Variants in ASCC3 observed in about 807,000 individuals in gnomAD.
ASCC3 encodes the protein ASC-1 complex subunit P200.
Under a neutral mutation model 256.3 loss-of-function variants are expected in ASCC3, and 158 were observed. The ratio of observed to expected loss-of-function variants is 0.62; its 90% CI spans 0.54 to 0.70. ASCC3 has a LOEUF of 0.70. ASCC3 is among the 30% of genes least tolerant of loss of function. The pLI, the probability that ASCC3 is intolerant of heterozygous loss-of-function variation, is 0.00. For missense variants in ASCC3, 2,259 were observed against 2,626.0 expected, an observed-to-expected ratio of 0.86 and a Z score of 3.05; for synonymous variants, 948 against 883.4, an observed-to-expected ratio of 1.07 and a Z score of -1.30.
At position 100,546,270 on chromosome 6, in the gene ASCC3, G is replaced by C. The variant is rs911690139; in HGVS notation, c.5551-5883C>G. On this transcript the variant is annotated intron_variant, in intron 36 of 41. Coordinates refer to ENST00000369162, the MANE Select transcript of ASCC3 (RefSeq NM_006828.4). ...ATAAAGAGGATCCAACTAAATGAAG[G>C]GTTATACCTTAATTCTCCCAAATTG... 4.1e-5 allele frequency among the ~76,000 whole-genome samples: 6 copies of C among 146,176 alleles called. 1 individual carries two copies.
At chr6:100,535,681 C>A (rs947707762) in intron 37 of ASCC3, among the ~76,000 whole-genome samples, 3 of 152,080 alleles carry the variant, frequency 2.0e-5, no homozygotes, top group Admixed American at 1.3e-4. Flanking sequence ...CTTGGCCAGG[C>A]TGGTCTTGAA....
intron 1 of ASCC3, among the ~76,000 whole-genome samples, chr6:100,868,599 TTTC>T (rs759500691): frequency 5.3e-5 from 8 of 152,234 alleles, no homozygotes; most frequent in Non-Finnish European, 7.3e-5. Context: ...TATTTGACAC[TTTC>T]TTGTTTATTT....
chr6:100,747,438 A>G (rs1261226764), intron 10 of ASCC3, among the ~76,000 whole-genome samples: 1 of 152,096 alleles, frequency 6.6e-6, no homozygotes, highest in Non-Finnish European at 1.5e-5. Context: ...TTGTACATGA[A>G]TGTTCACAGC....
chr6:100,661,354 CACACAAA>C lies in ASCC3; in HGVS notation c.2703+445_2703+451del, dbSNP rs570592533. On this transcript the variant is annotated intron_variant, in intron 16 of 41. Transcript: ENST00000369162. ...ACACACACACACACACACACACACACACACAAAACAAATGATCATAATCTAGCTCAAT... is the reference window on the plus strand; with the variant it reads ...ACACACACACACACACACACACACACACAAATGATCATAATCTAGCTCAAT... Among the ~76,000 whole-genome samples, 18 of 151,064 alleles carry C rather than the reference CACACAAA, an allele frequency of 1.2e-4. 1 individual carries two copies. In the South Asian group the frequency reaches 3.7e-3, roughly 31 times the overall value.
chr6:100,529,056 CAGT>C (rs1315069539), intron 37 of ASCC3, among the ~76,000 whole-genome samples: 1 of 152,080 alleles, frequency 6.6e-6, no homozygotes, highest in Non-Finnish European at 1.5e-5. Context: ...GTGGCACCAT[CAGT>C]GGTGGTGGTG....
At chr6:100,516,618 T>C (rs2114611315) in intron 38 of ASCC3, among the ~76,000 whole-genome samples, 1 of 152,300 alleles carries the variant, frequency 6.6e-6, no homozygotes, top group South Asian at 2.1e-4. Flanking sequence ...GAAGTAATGC[T>C]TCCATGTAGA....
At chr6:100,649,331 A>T (rs1775546160) in intron 20 of ASCC3, among the ~76,000 whole-genome samples, 1 of 151,792 alleles carries the variant, frequency 6.6e-6, no homozygotes, top group South Asian at 2.1e-4. Context: ...TATTTAAATG[A>T]TTAACTATTT....
rs886628727 is a variant in ASCC3, at chr6:100,805,468, C to T, written c.922+292G>A. Among the ~76,000 whole-genome samples the T allele has an allele frequency of 4.6e-5, 7 of 152,158 alleles. No homozygotes were observed. The East Asian group carries it at 1.4e-3, about 29-fold the overall frequency. Reference sequence around the variant, plus strand: ...CCAAACCTTGGCATCAAACAATATACTCATGCAACAAACCTGCACGTGTAC... The same window carrying T: ...CCAAACCTTGGCATCAAACAATATATTCATGCAACAAACCTGCACGTGTAC... On this transcript the variant is annotated intron_variant, in intron 5 of 41. Coordinates refer to ENST00000369162, the MANE Select transcript of ASCC3 (RefSeq NM_006828.4).
At position 100,638,732 on chromosome 6, in the gene ASCC3, G is replaced by T. The variant is rs778229396; in HGVS notation, c.3991C>A (p.Gln1331Lys). ...LYNFSHFNPVQTQIFHTLYHT... is the reference protein window; with the variant it reads ...LYNFSHFNPVKTQIFHTLYHT... ...TACAATGTATGAAATATTTGTGTCT[G>T]TACAGGGTTAAAGTGGCTGAAGTTG... The change falls in exon 25 of 42, where the codon CAG becomes AAG. Residue 1331 changes from glutamine to lysine, a missense_variant. Physicochemically the swap from Gln to Lys is moderately conservative, Grantham distance 53. Coordinates refer to ENST00000369162, the MANE Select transcript of ASCC3 (RefSeq NM_006828.4). 1 of 1,614,068 alleles carries T rather than the reference G, an allele frequency of 6.2e-7. No individual in the cohort carries two copies. Among genetic ancestry groups the T allele is most frequent in the Non-Finnish European group, 8.5e-7 (1 of 1,179,974 alleles).
rs575007604 is a variant in ASCC3 at position 100,662,120 on chromosome 6, A to T, written c.2479-90T>A. The T allele has an allele frequency of 2.3e-6, 3 of 1,299,528 alleles. No homozygotes were observed. In the East Asian group the frequency reaches 7.1e-5, roughly 31 times the overall value. The allele number at this position is 1,299,528 out of a possible 1,614,324, so 80.5% of individuals were successfully genotyped here. A position where few individuals can be genotyped will look rare whatever the true frequency, so the allele number is the denominator to read the frequency against. On this transcript the variant is annotated intron_variant, in intron 15 of 41. Transcript: ENST00000369162. Reference sequence around the variant, plus strand: ...ATACTGAAATTAGGCAAATATGGCAAGATCTCAAAAGTGTACTTTAACTAA... The same window carrying T: ...ATACTGAAATTAGGCAAATATGGCATGATCTCAAAAGTGTACTTTAACTAA...
rs527333458 is a variant in ASCC3, at chr6:100,708,526, C to T, written c.2151+6936G>A. Among the ~76,000 whole-genome samples, 8 of 152,116 alleles carry T rather than the reference C, an allele frequency of 5.3e-5. No individual in the cohort carries two copies. In the East Asian group the frequency reaches 1.5e-3, roughly 29 times the overall value. On this transcript the variant is annotated intron_variant, in intron 13 of 41. Coordinates refer to ENST00000369162, the MANE Select transcript of ASCC3 (RefSeq NM_006828.4). Reference sequence around the variant, plus strand: ...ATCCCTCTAAACAACACTTTTCAACCAAGGGCACTTATGTACCCCGGGGAA... The same window carrying T: ...ATCCCTCTAAACAACACTTTTCAACTAAGGGCACTTATGTACCCCGGGGAA...
At chr6:100,680,187 T>C (rs1203117574) in intron 13 of ASCC3, among the ~76,000 whole-genome samples, 1 of 152,110 alleles carries the variant, frequency 6.6e-6, no homozygotes, top group Non-Finnish European at 1.5e-5. Flanking sequence ...CTAAGAACAA[T>C]CACTTAAAAT....
chr6:100,813,986 A>G (rs1770615787), intron 4 of ASCC3, among the ~76,000 whole-genome samples: 1 of 152,116 alleles, frequency 6.6e-6, no homozygotes. Context: ...ACTAAGTTGA[A>G]TAGGTGAGAG....
chr6:100,629,746 C>T (rs565794675), intron 26 of ASCC3, among the ~76,000 whole-genome samples: 22 of 151,860 alleles, frequency 1.4e-4, no homozygotes, highest in Admixed American at 1.1e-3. Context: ...CAAATATGTA[C>T]CAACTCATTA....
intron 25 of ASCC3, 46 bp from the exon 26 acceptor site, chr6:100,631,259 T>A: frequency 6.9e-7 from 1 of 1,440,930 alleles, no homozygotes; most frequent in Non-Finnish European, 9.7e-7. Flanking sequence ...AAAATAGTGA[T>A]AGCATTTTGA....
At chr6:100,603,857 T>C (rs1772749301) in intron 33 of ASCC3, among the ~76,000 whole-genome samples, 1 of 152,154 alleles carries the variant, frequency 6.6e-6, no homozygotes, top group Non-Finnish European at 1.5e-5. Flanking sequence ...TTAGAATTTC[T>C]ACATCTATAT....
intron 17 of ASCC3, among the ~76,000 whole-genome samples, chr6:100,653,922 G>C (rs1775797250): frequency 6.6e-6 from 1 of 151,924 alleles, no homozygotes; most frequent in African/African-American, 2.4e-5. Context: ...ACCTTTAATG[G>C]AGTAGGGGGA....
chr6:100,679,616 A>G lies in ASCC3; in HGVS notation c.2286+2T>C, dbSNP rs1777192703. On this transcript the variant is annotated splice_donor_variant, in intron 14 of 41. Transcript: ENST00000369162. LOFTEE classifies it high-confidence loss of function. ...TTAGTTCTTGTCCTCTTTGTTTCTT[A>G]CCTGTTTTTCTGCAAGTACATAGTC... 1 of 1,613,482 alleles carries G rather than the reference A, an allele frequency of 6.2e-7. No homozygotes were observed. Among genetic ancestry groups the G allele is most frequent in the Non-Finnish European group, 8.5e-7 (1 of 1,179,628 alleles).
intron 36 of ASCC3, among the ~76,000 whole-genome samples, chr6:100,554,043 G>A (rs991934299): frequency 3.3e-5 from 5 of 152,232 alleles, no homozygotes; most frequent in African/African-American, 1.2e-4. Flanking sequence ...GCAATTAGCT[G>A]GCACTTGGGT....
Sources: gnomAD v4.1 joint callset for allele counts (sites outside exome capture counted in the v4.1 genomes callset) on GRCh38, gnomAD v4.1.1 for gene constraint, MANE v1.5 for transcripts, NCBI Gene and HGNC (gene_info 2026-07-23, HGNC 2026-07-21) for gene names.